DPP10: variants seen among roughly 807,000 people sequenced by gnomAD.
DPP10 encodes inactive dipeptidyl peptidase 10.
Under a neutral mutation model 120.9 loss-of-function variants are expected in DPP10, and 33 were observed. The observed-to-expected ratio is 0.27, with a 90% CI of 0.21 to 0.37. The LOEUF (loss-of-function observed/expected upper bound fraction) is 0.37, where lower values mean the gene tolerates loss of function less well. DPP10 is among the 10% of genes least tolerant of loss of function. DPP10 has a pLI of 1.00. For synonymous variants in DPP10, 337 were observed against 326.1 expected (o/e 1.03, Z -0.36); for missense variants, 816 against 942.8 (o/e 0.87, Z 1.76).
At chr2:114,653,021 A>AGTGTGTGTGT (rs1274429983) in intron 1 of DPP10, among the ~76,000 whole-genome samples, 1 of 111,048 alleles carries the variant, frequency 9.0e-6, no homozygotes, top group Admixed American at 9.3e-5. Flanking sequence ...AGAGAGAGAG[A>AGTGTGTGTGT]GAGAGAGTGT....
At chr2:114,703,833 A>C (rs1184544881) in intron 1 of DPP10, among the ~76,000 whole-genome samples, 2 of 152,186 alleles carry the variant, frequency 1.3e-5, no homozygotes, top group African/African-American at 4.8e-5. Context: ...TCTCAATGCC[A>C]AGAGGGAAAA....
In DPP10 at chr2:114,626,192, A is replaced by G. The variant is rs183043513; in HGVS notation, c.60+183354A>G. On this transcript the variant is annotated intron_variant, in intron 1 of 25. Coordinates refer to ENST00000410059, the MANE Select transcript of DPP10 (RefSeq NM_020868.6). ...CCACACTACATATAAAACACTCACT[A>G]CAAAATTACCACCACCAATATAATT... 2.0e-3 allele frequency among the ~76,000 whole-genome samples: 303 copies of G among 151,886 alleles called. 1 individual carries two copies. Among genetic ancestry groups the G allele is most frequent in the African/African-American group, 7.1e-3 (293 of 41,454 alleles).
intron 11 of DPP10, among the ~76,000 whole-genome samples, chr2:115,758,255 T>C (rs902818291): frequency 1.3e-5 from 2 of 152,152 alleles, no homozygotes; most frequent in African/African-American, 4.8e-5. Context: ...CTTTTGTCTA[T>C]AAGTTTGTAC....
At chr2:114,468,472 A>G (rs1373109202) in intron 1 of DPP10, among the ~76,000 whole-genome samples, 1 of 151,874 alleles carries the variant, frequency 6.6e-6, no homozygotes, top group Non-Finnish European at 1.5e-5. Context: ...GGCAAGCGAT[A>G]GCTATCCAAA....
chr2:114,493,693 A>G (rs13385752), intron 1 of DPP10, among the ~76,000 whole-genome samples: 5,247 of 152,268 alleles, frequency 0.034, 313 homozygotes, highest in African/African-American at 0.12. Context: ...TAATAAAAAT[A>G]TAATGACTGG....
chr2:115,342,833 A>G (rs1032927137), intron 2 of DPP10, among the ~76,000 whole-genome samples: 1 of 152,154 alleles, frequency 6.6e-6, no homozygotes, highest in African/African-American at 2.4e-5. Flanking sequence ...TTATGGGTTA[A>G]ATGCATGATT....
intron 7 of DPP10, among the ~76,000 whole-genome samples, chr2:115,702,500 C>A (rs1232184255): frequency 1.3e-5 from 2 of 152,008 alleles, no homozygotes; most frequent in Admixed American, 6.6e-5. Flanking sequence ...AATTATTATT[C>A]ATACAATGAA....
At chr2:115,243,911 T>C (rs1385844809) in intron 1 of DPP10, among the ~76,000 whole-genome samples, 1 of 151,832 alleles carries the variant, frequency 6.6e-6, no homozygotes, top group African/African-American at 2.4e-5. Flanking sequence ...CTAAAATAGA[T>C]GCTCCCCATT....
chr2:115,666,792 T>C (rs1281766491), intron 5 of DPP10, among the ~76,000 whole-genome samples: 1 of 152,172 alleles, frequency 6.6e-6, no homozygotes, highest in Non-Finnish European at 1.5e-5. Flanking sequence ...GATTGCTGGG[T>C]CAAATGGTAG....
At chr2:115,626,788 T>G (rs1342547441) in intron 5 of DPP10, among the ~76,000 whole-genome samples, 1 of 152,198 alleles carries the variant, frequency 6.6e-6, no homozygotes, top group Non-Finnish European at 1.5e-5. Flanking sequence ...TTCATCCATC[T>G]TAAATTTATC....
intron 1 of DPP10, among the ~76,000 whole-genome samples, chr2:115,264,320 CCCTGCTTTGGGCTGT>C (rs2059374032): frequency 6.6e-6 from 1 of 152,092 alleles, no homozygotes; most frequent in African/African-American, 2.4e-5. Flanking sequence ...GTTAATGTGT[CCCTGCTTTGGGCTGT>C]AGGTTGGGTT....
chr2:115,401,150 A>T (rs1193002197), intron 3 of DPP10, among the ~76,000 whole-genome samples: 1 of 152,204 alleles, frequency 6.6e-6, no homozygotes, highest in Non-Finnish European at 1.5e-5. Context: ...ACAGAAGCTG[A>T]GGAAGACTTG....
intron 3 of DPP10, among the ~76,000 whole-genome samples, chr2:115,463,286 C>T (rs1002836507): frequency 2.6e-5 from 4 of 152,178 alleles, no homozygotes; most frequent in Non-Finnish European, 4.4e-5. Context: ...TGGCATCTGA[C>T]ACATGGTAAA....
At chr2:114,740,287 C>T (rs1677898193) in intron 1 of DPP10, among the ~76,000 whole-genome samples, 1 of 146,146 alleles carries the variant, frequency 6.8e-6, no homozygotes, top group Non-Finnish European at 1.5e-5. Flanking sequence ...TGTTCTCACT[C>T]ACAGGTGGGA....
At chr2:115,342,472 G>A (rs75782572) in intron 2 of DPP10, among the ~76,000 whole-genome samples, 7 of 151,994 alleles carry the variant, frequency 4.6e-5, no homozygotes, top group South Asian at 2.1e-4. Context: ...CCTTGGCCTC[G>A]CAAAGTGCTG....
chr2:114,557,716 A>G (rs1249267796), intron 1 of DPP10, among the ~76,000 whole-genome samples: 1 of 152,172 alleles, frequency 6.6e-6, no homozygotes, highest in East Asian at 1.9e-4. Flanking sequence ...TATGTACATC[A>G]GCTGTGTCTT....
At chr2:114,791,846 C>A (rs1683274183) in intron 1 of DPP10, among the ~76,000 whole-genome samples, 1 of 152,146 alleles carries the variant, frequency 6.6e-6, no homozygotes, top group Admixed American at 6.5e-5. Flanking sequence ...AGCATTATGA[C>A]TATGATTTAG....
rs915915578 is a variant in DPP10, at chr2:114,690,397, G to A, written c.60+247559G>A. Reference sequence around the variant, plus strand: ...TGTCAAATATCAGATGGGTGTAGGTGTGCAGTCTTATTTCTGAGTTCTTCA... The same window carrying A: ...TGTCAAATATCAGATGGGTGTAGGTATGCAGTCTTATTTCTGAGTTCTTCA... On this transcript the variant is annotated intron_variant, in intron 1 of 25. Coordinates refer to ENST00000410059, the MANE Select transcript of DPP10 (RefSeq NM_020868.6). Among the ~76,000 whole-genome samples the A allele has an allele frequency of 3.3e-5, 5 of 152,036 alleles. No individual in the cohort carries two copies. The East Asian group carries it at 9.7e-4, about 29-fold the overall frequency.
At chr2:115,655,383 CA>C (rs756100664) in intron 5 of DPP10, among the ~76,000 whole-genome samples, 7 of 151,504 alleles carry the variant, frequency 4.6e-5, no homozygotes, top group Non-Finnish European at 7.4e-5. Context: ...GCACATGTGT[CA>C]AAATAAAACT....
Sources: gnomAD v4.1 joint callset for allele counts (sites outside exome capture counted in the v4.1 genomes callset) on GRCh38, gnomAD v4.1.1 for gene constraint, MANE v1.5 for transcripts, NCBI Gene and HGNC (gene_info 2026-07-23, HGNC 2026-07-21) for gene names.